ABCA2: variants seen among roughly 807,000 people sequenced by gnomAD.
ABCA2 encodes the protein ATP-binding cassette sub-family A member 2.
A neutral mutation model predicts 262.8 loss-of-function variants in ABCA2; 84 were observed. That is an observed-to-expected ratio of 0.32 (90% confidence interval 0.27 to 0.38). ABCA2 has a LOEUF of 0.38. Ranked by LOEUF, ABCA2 falls within the 10% of genes least tolerant of loss-of-function variation. ABCA2 has a pLI of 1.00. For synonymous variants in ABCA2, 1,696 were observed against 1,502.9 expected (o/e 1.13, Z -2.97); for missense variants, 2,662 against 3,405.9 (o/e 0.78, Z 5.44).
intron 21 of ABCA2, 43 bp from the exon 22 acceptor site, chr9:137,016,217 G>A (rs774117817): frequency 6.2e-7 from 1 of 1,611,118 alleles, no homozygotes; most frequent in Non-Finnish European, 8.5e-7. Flanking sequence ...CCTCTGCAGG[G>A]GCCCCACCCT....
chr9:137,021,517 T>C lies in ABCA2; in HGVS notation c.772A>G (p.Lys258Glu), dbSNP rs1473528991. The change falls in exon 8 of 49, where the codon AAG becomes GAG. Residue 258 changes from lysine (K) to glutamate (E), a missense_variant. Lys to Glu is a moderately conservative substitution (Grantham distance 56). Coordinates refer to ENST00000341511, the MANE Select transcript of ABCA2 (RefSeq NM_001606.5). The surrounding 1 kb of genome is among the most constrained non-coding windows in gnomAD (Gnocchi z 6.0). ...GRILTVPESQ[K>E]GALQGYRDAV... ...TCCCGGTAGCCCTGCAGGGCTCCCT[T>C]CTGACTCTCAGGCACAGTGAGGATC... 1.2e-6 allele frequency: 2 copies of C among 1,605,178 alleles called. No homozygotes were observed. The highest frequency in any genetic ancestry group is 1.3e-5 in the African/African-American group (1 of 74,704).
chr9:137,014,752 G>A lies in ABCA2; in HGVS notation c.3941C>T (p.Thr1314Ile). 6.2e-7 allele frequency: 1 copy of A among 1,601,302 alleles called. No individual in the cohort carries two copies. Among genetic ancestry groups the A allele is most frequent in the Non-Finnish European group, 8.5e-7 (1 of 1,175,264 alleles). ...CACCTTGAGGAACACTTCCTCCAGG[G>A]TCGTGTCCATCAGCCCGAAGCTGCT... ...HLSSFGLMDT[T>I]LEEVFLKVSE... The change falls in exon 26 of 49, where the codon ACC (threonine) becomes ATC (isoleucine). Residue 1314 changes from threonine to isoleucine, a missense_variant. Around this residue, in one of 12 missense-constraint regions of ABCA2, gnomAD observed 297 missense variants for 286.5 expected, o/e 1.04. Coordinates refer to ENST00000341511, the MANE Select transcript of ABCA2 (RefSeq NM_001606.5).
In ABCA2 at chr9:137,016,493, G is replaced by T. The variant is rs900211416; in HGVS notation, c.2924-22C>A. On this transcript the variant is annotated intron_variant, in intron 20 of 48. Coordinates refer to ENST00000341511, the MANE Select transcript of ABCA2 (RefSeq NM_001606.5). ...TCCTCTGCACCAGGGCTGTGGATCA[G>T]CAGGGTGGGGGCGGCGCCAAGGCCA... 1.9e-6 allele frequency: 3 copies of T among 1,612,456 alleles called. No individual in the cohort carries two copies. The African/African-American group carries it at 4.0e-5, about 22-fold the overall frequency.
rs554340363 is a variant in ABCA2, at chr9:137,011,836, G to A, written c.5535+8C>T. The A allele has an allele frequency of 6.2e-5, 97 of 1,574,918 alleles. No homozygotes were observed. The highest frequency in any genetic ancestry group is 4.5e-4 in the East Asian group (19 of 42,282). ...GGCCGGGGCACCCCATGGCCACGCC[G>A]GGCGCACCATGTCCCACACGTAGTT... On this transcript the variant is annotated splice_region_variant and intron_variant, in intron 35 of 48. Coordinates refer to ENST00000341511, the MANE Select transcript of ABCA2 (RefSeq NM_001606.5). The surrounding 1 kb of genome is among the most constrained non-coding windows in gnomAD (Gnocchi z 8.8).
chr9:137,013,819 G>T lies in ABCA2; in HGVS notation c.4447+13C>A. The stretch of plus-strand genomic sequence containing the variant: ...GAGGCAAGCCCAGCACCCCTGTCCA[G>T]CCGGTGGCCTACCAATCTCCGGGAC... On this transcript the variant is annotated intron_variant, in intron 28 of 48. Transcript: ENST00000341511. 6.3e-7 allele frequency: 1 copy of T among 1,594,198 alleles called. No homozygotes were observed. Among genetic ancestry groups the T allele is most frequent in the Non-Finnish European group, 8.5e-7 (1 of 1,171,338 alleles).
rs765110403 is a variant in ABCA2, at chr9:137,009,370, C to T, written c.6827G>A (p.Arg2276Gln). ...CLGSIQHLKN[R>Q]FGDGYMITVR... ...CACCCCTGGCCCTGCCCCGGCTCAC[C>T]GGTTCTTCAGGTGCTGGATGCTGCC... The change falls in exon 45 of 49, where the codon CGG (arginine) becomes CAG (glutamine). Residue 2276 changes from arginine to glutamine, a missense_variant and splice_region_variant. Transcript: ENST00000341511. 3 of 1,593,248 alleles carry T rather than the reference C, an allele frequency of 1.9e-6. No homozygotes were observed. The highest frequency in any genetic ancestry group is 8.5e-7 in the Non-Finnish European group (1 of 1,176,758).
chr9:137,022,898 G>T, intron 4 of ABCA2, 33 bp from the exon 5 acceptor site: 1 of 1,568,014 alleles, frequency 6.4e-7, no homozygotes, highest in Admixed American at 1.9e-5. Flanking sequence ...CACTGGATGG[G>T]CTGGGGAGGG....
intron 1 of ABCA2, among the ~76,000 whole-genome samples, chr9:137,026,767 C>T (rs530512793): frequency 2.0e-5 from 3 of 152,356 alleles, no homozygotes; most frequent in Admixed American, 6.5e-5. Flanking sequence ...TGGGGACCTT[C>T]CTGACAACCA....
chr9:137,028,888 GTC>G (rs1831762106), upstream of ABCA2: 1 of 1,321,062 alleles, frequency 7.6e-7, no homozygotes, highest in African/African-American at 1.6e-5. The surrounding 1 kb of genome is among the most constrained non-coding windows in gnomAD (Gnocchi z 6.9). Flanking sequence ...GGCGAGTCTG[GTC>G]TCTGCACAGG....
rs1048477776 is a variant in ABCA2, at chr9:137,020,699, G to A, written c.1260C>T (p.Asn420=). ...WAGLQPILCG[N]NRTIEPEALR... ...TTCCCCTGCCGCCCACCTACCGGTTGTTGCCACACAAGATGGGCTGCAGGC... is the reference window on the plus strand; with the variant it reads ...TTCCCCTGCCGCCCACCTACCGGTTATTGCCACACAAGATGGGCTGCAGGC... The change falls in exon 9 of 49, where the codon AAC becomes AAT. Residue 420 remains asparagine (N), a synonymous_variant. Coordinates refer to ENST00000341511, the MANE Select transcript of ABCA2 (RefSeq NM_001606.5). The A allele has an allele frequency of 6.2e-7, 1 of 1,600,166 alleles. No individual in the cohort carries two copies. Among genetic ancestry groups the A allele is most frequent in the East Asian group, 2.2e-5 (1 of 44,862 alleles).
chr9:137,015,294 A>G, intron 24 of ABCA2, 120 bp downstream of exon 24: 1 of 1,316,552 alleles, frequency 7.6e-7, no homozygotes, highest in East Asian at 2.5e-5. Context: ...GCCAGGCCCC[A>G]GCAGGCATCC....
Position 137,016,272 on chromosome 9 carries a change from C to G in ABCA2, c.3104+19G>C. 6.2e-7 allele frequency: 1 copy of G among 1,612,158 alleles called. No individual in the cohort carries two copies. Among genetic ancestry groups the G allele is most frequent in the Non-Finnish European group, 8.5e-7 (1 of 1,179,654 alleles). On this transcript the variant is annotated intron_variant, in intron 21 of 48. Coordinates refer to ENST00000341511, the MANE Select transcript of ABCA2 (RefSeq NM_001606.5). ...CTCTGGTCAGCAGATGCCCACCGCC[C>G]TGCCCCTCCGACACTCACATGGTGG...
chr9:137,020,576 G>C, intron 9 of ABCA2, 81 bp from the exon 10 acceptor site: 1 of 1,546,804 alleles, frequency 6.5e-7, no homozygotes, highest in Non-Finnish European at 8.7e-7. Context: ...GATGGGGCAG[G>C]ACTTCGGGGC....
chr9:137,019,800 A>C lies in ABCA2; in HGVS notation c.1426-494T>G, dbSNP rs562736232. On this transcript the variant is annotated intron_variant, in intron 10 of 48. Transcript: ENST00000341511. This position sits in a 1 kb window ranked among gnomAD's most constrained non-coding sequence, Gnocchi z 4.4. The stretch of plus-strand genomic sequence containing the variant: ...GGGCAGCACGGCCTCCGGACCCCCA[A>C]CTGCCCAGCTGTGCCCACCAGCTCC... 9.1e-4 allele frequency: 173 copies of C among 190,318 alleles called. 5 individuals carry two copies. In the South Asian group the frequency reaches 0.012, roughly 13 times the overall value. 11.8% of individuals were successfully genotyped at this position (190,318 alleles called of 1,614,324 possible).
chr9:137,016,528 C>G (rs1314133746), intron 20 of ABCA2, 46 bp downstream of exon 20: 6 of 1,612,210 alleles, frequency 3.7e-6, no homozygotes, highest in Admixed American at 1.7e-5. Flanking sequence ...ACCCAGGACT[C>G]TGAACCCAGC....
intron 22 of ABCA2, 28 bp downstream of exon 22, chr9:137,015,934 T>TGGGGCGGGGGGGGGG: frequency 1.5e-6 from 1 of 654,346 alleles, no homozygotes; most frequent in Non-Finnish European, 2.1e-6. Context: ...TCCGCCCACC[T>TGGGGCGGGGGGGGGG]GCCCCGCCCC....
chr9:137,010,328 C>T lies in ABCA2; in HGVS notation c.6218G>A (p.Arg2073His). Residue 2073 changes from arginine (R) to histidine (H), a missense_variant, in exon 41 of 49, where the codon CGC becomes CAC. Physicochemically the swap from Arg to His is conservative, Grantham distance 29. Transcript: ENST00000341511. Reference protein sequence around the residue: ...RKIGRILAVDRLCLGVRPGEC... With the variant: ...RKIGRILAVDHLCLGVRPGEC... The stretch of plus-strand genomic sequence containing the variant: ...GCCAGGACGCACACCCAGGCACAGG[C>T]GGTCAACGGCCAGGATACGGCCAAT... 6.9e-6 allele frequency: 11 copies of T among 1,586,016 alleles called. No individual in the cohort carries two copies. The highest frequency in any genetic ancestry group is 1.3e-5 in the African/African-American group (1 of 74,484).
At position 137,010,382 on chromosome 9, in the gene ABCA2, G is replaced by A. The variant is rs773227248; in HGVS notation, c.6175-11C>T. ...CCGGGACTTGTAGACCTGGCCAGGA[G>A]CCTGCCCACTCAGCGGGGCATCCTG... is the stretch of plus-strand genomic sequence containing the variant. On this transcript the variant is annotated splice_polypyrimidine_tract_variant and intron_variant, in intron 40 of 48. Coordinates refer to ENST00000341511, the MANE Select transcript of ABCA2 (RefSeq NM_001606.5). The A allele has an allele frequency of 2.6e-6, 4 of 1,560,282 alleles. No individual in the cohort carries two copies. Among genetic ancestry groups the A allele is most frequent in the South Asian group, 1.2e-5 (1 of 84,896 alleles).
In ABCA2 at chr9:137,022,865, C is replaced by A; in HGVS notation, c.276G>T (p.Thr92=). Residue 92 remains threonine (T), a splice_region_variant and synonymous_variant, in exon 5 of 49, where the codon ACG becomes ACT. Coordinates refer to ENST00000341511, the MANE Select transcript of ABCA2 (RefSeq NM_001606.5). ...CCAGGCGCTCAAGCAGCTGCGTGAC[C>A]CTGCACCATGGCGGATGTCACTCAC... is the stretch of plus-strand genomic sequence containing the variant. ...EFGFLQYANS[T]VTQLLERLDR... 1 of 1,581,714 alleles carries A rather than the reference C, an allele frequency of 6.3e-7. No individual in the cohort carries two copies. Among genetic ancestry groups the A allele is most frequent in the Admixed American group, 1.8e-5 (1 of 55,402 alleles).
Sources: allele counts gnomAD v4.1 joint callset (sites outside exome capture counted in the v4.1 genomes callset), GRCh38; gene constraint gnomAD v4.1.1; regional missense constraint gnomAD v4.1.1; non-coding constraint Gnocchi (gnomAD v3.1); transcripts MANE v1.5; gene names NCBI Gene and HGNC (gene_info 2026-07-23, HGNC 2026-07-21).